Variants in NALF1 observed in about 807,000 individuals in gnomAD.
The protein encoded by NALF1 is NALCN channel auxiliary factor 1.
NALF1 carries 3 observed loss-of-function variants against 48.4 expected under a neutral mutation model. The ratio of observed to expected loss-of-function variants is 0.06; its 90% CI spans 0.03 to 0.16. The LOEUF (loss-of-function observed/expected upper bound fraction) is 0.16, where lower values mean the gene tolerates loss of function less well. Among genes scored for constraint, NALF1 ranks in the 10% least tolerant of loss-of-function variants. NALF1 has a pLI of 1.00. For missense variants in NALF1, 526 were observed against 571.5 expected (o/e 0.92, Z 0.81); for synonymous variants, 262 against 245.7 (o/e 1.07, Z -0.62).
chr13:107,601,339 G>A lies in NALF1; in HGVS notation c.915+264343C>T, dbSNP rs9555382. On this transcript the variant is annotated intron_variant, in intron 1 of 2. Coordinates refer to ENST00000375915, the MANE Select transcript of NALF1 (RefSeq NM_001080396.3). ...AAATTTGGGAACTTGAAACAATCTT[G>A]TAGATTATTTTACTCTCTTTTTAAA... 0.021 allele frequency among the ~76,000 whole-genome samples: 3,145 copies of A among 152,236 alleles called. 216 individuals are homozygous for A. In the East Asian group the frequency reaches 0.26, roughly 13 times the overall value.
At chr13:107,623,190 TA>T (rs1879572783) in intron 1 of NALF1, among the ~76,000 whole-genome samples, 3 of 152,168 alleles carry the variant, frequency 2.0e-5, no homozygotes, top group Admixed American at 2.0e-4. Flanking sequence ...TATTACCTGT[TA>T]AAAATTTTCA....
At chr13:107,728,504 G>A (rs1194662921) in intron 1 of NALF1, among the ~76,000 whole-genome samples, 2 of 151,908 alleles carry the variant, frequency 1.3e-5, no homozygotes, top group Non-Finnish European at 2.9e-5. Context: ...GACACAGGGA[G>A]GGGAACACCA....
At chr13:107,192,989 GA>G (rs943321217) in intron 2 of NALF1, among the ~76,000 whole-genome samples, 4 of 151,988 alleles carry the variant, frequency 2.6e-5, no homozygotes, top group African/African-American at 9.7e-5. Context: ...AAATAAAAAA[GA>G]AAAAATCCTA....
chr13:107,256,160 TA>T (rs1880809767), intron 1 of NALF1, among the ~76,000 whole-genome samples: 1 of 152,208 alleles, frequency 6.6e-6, no homozygotes, highest in Non-Finnish European at 1.5e-5. Context: ...TAGATTATAT[TA>T]AAAACAAAGA....
chr13:107,221,053 A>C (rs1238309219), intron 1 of NALF1, among the ~76,000 whole-genome samples: 1 of 152,156 alleles, frequency 6.6e-6, no homozygotes, highest in Non-Finnish European at 1.5e-5. Context: ...GCATATTCTC[A>C]TTTATAAGTG....
At chr13:107,679,071 A>G (rs186730440) in intron 1 of NALF1, among the ~76,000 whole-genome samples, 146 of 152,154 alleles carry the variant, frequency 9.6e-4, no homozygotes, top group Middle Eastern at 6.8e-3. Context: ...CTTCTCACTC[A>G]CCTTCCATTG....
intron 1 of NALF1, among the ~76,000 whole-genome samples, chr13:107,438,971 T>C (rs956647457): frequency 3.3e-5 from 5 of 151,994 alleles, no homozygotes; most frequent in Non-Finnish European, 5.9e-5. Flanking sequence ...TTTATGTTTT[T>C]GGTATTTTTA....
At position 107,711,123 on chromosome 13, in the gene NALF1, G is replaced by T. The variant is rs576184405; in HGVS notation, c.915+154559C>A. ...AATGCTCAGTAACTGACCACTCACA[G>T]ATCTATTTCAGAATTACTCTTTATG... On this transcript the variant is annotated intron_variant, in intron 1 of 2. Transcript: ENST00000375915. 3.9e-5 allele frequency among the ~76,000 whole-genome samples: 6 copies of T among 152,184 alleles called. No individual in the cohort carries two copies. The South Asian group carries it at 1.2e-3, about 32-fold the overall frequency.
chr13:107,784,740 C>CA (rs980630028), intron 1 of NALF1, among the ~76,000 whole-genome samples: 10 of 150,182 alleles, frequency 6.7e-5, no homozygotes, highest in South Asian at 2.1e-4. Flanking sequence ...ATCAAAAAAT[C>CA]AAAAAAAAAG....
intron 1 of NALF1, among the ~76,000 whole-genome samples, chr13:107,676,519 A>G (rs1881126900): frequency 6.6e-6 from 1 of 152,126 alleles, no homozygotes; most frequent in African/African-American, 2.4e-5. Flanking sequence ...AGGCCCCATT[A>G]CAGACATAGC....
intron 1 of NALF1, among the ~76,000 whole-genome samples, chr13:107,481,701 G>A (rs1885256371): frequency 6.6e-6 from 1 of 152,096 alleles, no homozygotes; most frequent in Non-Finnish European, 1.5e-5. Flanking sequence ...AGTGTGTGAA[G>A]TGTTATGAGG....
intron 1 of NALF1, among the ~76,000 whole-genome samples, chr13:107,848,528 G>C (rs1408915183): frequency 1.3e-5 from 2 of 152,154 alleles, no homozygotes; most frequent in African/African-American, 4.8e-5. Flanking sequence ...GTATTTTGAT[G>C]CTTTAATTAT....
At chr13:107,333,487 G>A (rs1002030934) in intron 1 of NALF1, among the ~76,000 whole-genome samples, 3 of 152,200 alleles carry the variant, frequency 2.0e-5, no homozygotes, top group Non-Finnish European at 2.9e-5. Context: ...GACCTCAGTT[G>A]GAGACAGACC....
intron 1 of NALF1, among the ~76,000 whole-genome samples, chr13:107,771,624 C>T (rs541794620): frequency 3.3e-5 from 5 of 151,954 alleles, no homozygotes; most frequent in Non-Finnish European, 7.4e-5. Context: ...GCTGCATTTC[C>T]AGAAAGGCAT....
At chr13:107,183,188 GAC>G (rs1163557614) in intron 2 of NALF1, among the ~76,000 whole-genome samples, 6 of 152,132 alleles carry the variant, frequency 3.9e-5, no homozygotes, top group African/African-American at 1.4e-4. Flanking sequence ...GGGTCCCAGC[GAC>G]ACACCCCTGG....
chr13:107,811,087 A>G (rs887963204), intron 1 of NALF1, among the ~76,000 whole-genome samples: 3 of 152,138 alleles, frequency 2.0e-5, no homozygotes, highest in Non-Finnish European at 4.4e-5. Flanking sequence ...ATATTTATCT[A>G]TAGAGTCCAA....
intron 1 of NALF1, among the ~76,000 whole-genome samples, chr13:107,851,734 T>A (rs1458369749): frequency 1.3e-5 from 2 of 151,780 alleles, no homozygotes; most frequent in Non-Finnish European, 2.9e-5. Context: ...AAGGGAAATG[T>A]GTTAACTAGA....
intron 1 of NALF1, among the ~76,000 whole-genome samples, chr13:107,507,466 A>C (rs935592646): frequency 1.3e-5 from 2 of 151,760 alleles, no homozygotes; most frequent in African/African-American, 4.8e-5. Context: ...GAAACAAGCA[A>C]TTGAGGAAAC....
intron 1 of NALF1, among the ~76,000 whole-genome samples, chr13:107,556,157 G>A (rs1877466939): frequency 1.3e-5 from 2 of 151,784 alleles, no homozygotes; most frequent in Admixed American, 1.3e-4. Flanking sequence ...ATACATATAA[G>A]ATCTCTTATG....
Sources: gnomAD v4.1 joint callset for allele counts (sites outside exome capture counted in the v4.1 genomes callset) on GRCh38, gnomAD v4.1.1 for gene constraint, MANE v1.5 for transcripts, NCBI Gene and HGNC (gene_info 2026-07-23, HGNC 2026-07-21) for gene names.